DDAH1: variants seen among roughly 807,000 people sequenced by gnomAD.
The protein encoded by DDAH1 is N(G),N(G)-dimethylarginine dimethylaminohydrolase 1.
Under a neutral mutation model 28.8 loss-of-function variants are expected in DDAH1, and 19 were observed. The observed-to-expected ratio is 0.66, with a 90% CI of 0.46 to 0.97. The LOEUF is 0.97. Ranked by LOEUF, DDAH1 falls within the 50% of genes least tolerant of loss-of-function variation. DDAH1 has a pLI of 0.00. For missense variants in DDAH1, 326 were observed against 375.9 expected, an observed-to-expected ratio of 0.87 and a Z score of 1.10; for synonymous variants, 153 against 154.4, an observed-to-expected ratio of 0.99 and a Z score of 0.07.
intron 1 of DDAH1, among the ~76,000 whole-genome samples, chr1:85,567,341 G>A (rs1659333077): frequency 6.6e-6 from 1 of 152,200 alleles, no homozygotes; most frequent in South Asian, 2.1e-4. Context: ...GGGACCTGGT[G>A]AGAGATGATT....
intron 1 of DDAH1, among the ~76,000 whole-genome samples, chr1:85,394,953 A>G (rs557771756): frequency 2.0e-5 from 3 of 152,316 alleles, no homozygotes; most frequent in African/African-American, 7.2e-5. Flanking sequence ...TTGGCATATG[A>G]TAGTTCAAAA....
intron 1 of DDAH1, among the ~76,000 whole-genome samples, chr1:85,374,005 C>T (rs900497807): frequency 2.0e-5 from 3 of 152,084 alleles, no homozygotes; most frequent in Non-Finnish European, 4.4e-5. Context: ...TCATCTACTA[C>T]CTACAATTCC....
intron 1 of DDAH1, among the ~76,000 whole-genome samples, chr1:85,514,427 G>A (rs1657371130): frequency 1.3e-5 from 2 of 151,620 alleles, no homozygotes; most frequent in South Asian, 4.2e-4. Context: ...AATACCTAAT[G>A]TAAATGATGA....
chr1:85,550,702 A>G (rs1658757780), intron 1 of DDAH1, among the ~76,000 whole-genome samples: 1 of 152,096 alleles, frequency 6.6e-6, no homozygotes, highest in Non-Finnish European at 1.5e-5. Flanking sequence ...TTTACAGACC[A>G]TTGTTTAATA....
chr1:85,526,127 A>G (rs1657863484), intron 1 of DDAH1, among the ~76,000 whole-genome samples: 1 of 152,204 alleles, frequency 6.6e-6, no homozygotes, highest in Non-Finnish European at 1.5e-5. Context: ...GACAAAGGAC[A>G]TGGAAATGTA....
chr1:85,509,092 G>A (rs1406802454), intron 1 of DDAH1, among the ~76,000 whole-genome samples: 1 of 152,184 alleles, frequency 6.6e-6, no homozygotes, highest in African/African-American at 2.4e-5. Context: ...CCTCATATAG[G>A]CAGGTGCCCC....
chr1:85,474,839 A>G (rs189828175), intron 2 of DDAH1, among the ~76,000 whole-genome samples: 1 of 152,264 alleles, frequency 6.6e-6, no homozygotes, highest in Non-Finnish European at 1.5e-5. Context: ...AGCTTTAAGA[A>G]TCTATGATTC....
At chr1:85,396,048 AT>A (rs1289923979) in intron 1 of DDAH1, among the ~76,000 whole-genome samples, 1 of 152,156 alleles carries the variant, frequency 6.6e-6, no homozygotes, top group East Asian at 1.9e-4. Flanking sequence ...AAGAGTTAAG[AT>A]TTTCTACAGC....
intron 1 of DDAH1, among the ~76,000 whole-genome samples, chr1:85,505,383 G>A (rs1331658230): frequency 2.0e-5 from 3 of 152,106 alleles, no homozygotes; most frequent in African/African-American, 7.2e-5. Context: ...AACAATCAAG[G>A]CAGGTGATAG....
intron 2 of DDAH1, among the ~76,000 whole-genome samples, chr1:85,355,248 C>T (rs988580500): frequency 3.9e-5 from 6 of 152,060 alleles, no homozygotes; most frequent in Non-Finnish European, 8.8e-5. Context: ...TTTTAAATTT[C>T]TCCATAAAGA....
chr1:85,377,613 A>C (rs1291854111), intron 1 of DDAH1, among the ~76,000 whole-genome samples: 1 of 152,178 alleles, frequency 6.6e-6, no homozygotes, highest in Non-Finnish European at 1.5e-5. Flanking sequence ...ATTGATGAGG[A>C]AAATGTAAAA....
chr1:85,326,788 T>C (rs1291019754), intron 4 of DDAH1, among the ~76,000 whole-genome samples: 1 of 152,240 alleles, frequency 6.6e-6, no homozygotes, highest in Non-Finnish European at 1.5e-5. Context: ...GATAGGCCCA[T>C]AGAGGGGCTC....
intron 4 of DDAH1, among the ~76,000 whole-genome samples, chr1:85,334,348 CA>C (rs1159904857): frequency 6.6e-6 from 1 of 152,068 alleles, no homozygotes; most frequent in Non-Finnish European, 1.5e-5. Flanking sequence ...TTCTTTAAAG[CA>C]GTATGAAAAC....
intron 2 of DDAH1, chr1:85,495,428 T>C (rs768919459): frequency 1.3e-5 from 2 of 152,138 alleles, no homozygotes; most frequent in Non-Finnish European, 1.5e-5. Flanking sequence ...TGCAGAGAAG[T>C]GAGACTCAGC....
At chr1:85,475,988 A>T (rs116662440) in intron 2 of DDAH1, among the ~76,000 whole-genome samples, 198 of 152,170 alleles carry the variant, frequency 1.3e-3, no homozygotes, top group South Asian at 2.1e-3. Context: ...AGTAGCTGGG[A>T]CTAGAGGTGC....
chr1:85,330,140 G>A (rs1647672274), intron 4 of DDAH1, among the ~76,000 whole-genome samples: 1 of 152,314 alleles, frequency 6.6e-6, no homozygotes, highest in East Asian at 1.9e-4. Flanking sequence ...ATTCAGCAGG[G>A]AACATGCAGA....
At chr1:85,476,025 GT>G (rs778965046) in intron 2 of DDAH1, among the ~76,000 whole-genome samples, 4 of 151,962 alleles carry the variant, frequency 2.6e-5, no homozygotes, top group Non-Finnish European at 4.4e-5. Context: ...GTAATTTTTG[GT>G]TTTGTTTTTG....
rs1476113441 is a variant in DDAH1, at chr1:85,529,260, C to T, written c.-122-32979G>A. Among the ~76,000 whole-genome samples, 4 of 152,024 alleles carry T rather than the reference C, an allele frequency of 2.6e-5. No homozygotes were observed. The East Asian group carries it at 5.8e-4, about 22-fold the overall frequency. ...TTAAAACTGATGGACTGGTCAGAAC[C>T]CAGTAGATCCCATGTATTCCAACTT... On this transcript the variant is annotated intron_variant, in intron 1 of 6. Transcript: ENST00000426972.
chr1:85,332,939 C>T (rs150643446), intron 4 of DDAH1, among the ~76,000 whole-genome samples: 76 of 152,288 alleles, frequency 5.0e-4, no homozygotes, highest in Admixed American at 9.8e-4. Context: ...AGTGAGTGCC[C>T]ATGGGGAGCC....
Sources: allele counts gnomAD v4.1 joint callset (sites outside exome capture counted in the v4.1 genomes callset), GRCh38; gene constraint gnomAD v4.1.1; transcripts MANE v1.5; gene names NCBI Gene and HGNC (gene_info 2026-07-23, HGNC 2026-07-21).